The following PAH variants were observed in gnomAD, a reference collection of about 807,000 sequenced individuals.
The protein encoded by PAH is phenylalanine-4-hydroxylase.
A neutral mutation model predicts 62.0 loss-of-function variants in PAH; 64 were observed. The ratio of observed to expected loss-of-function variants is 1.03; its 90% CI spans 0.84 to 1.27. The LOEUF is 1.27. Ranked by LOEUF, PAH falls within the 50% of genes most tolerant of loss-of-function variation. PAH has a pLI of 0.00. For missense variants in PAH, 579 were observed against 542.8 expected (o/e 1.07, Z -0.66); for synonymous variants, 195 against 196.2 (o/e 0.99, Z 0.05).
At chr12:102,869,754 G>C (rs115594095) in intron 4 of PAH, among the ~76,000 whole-genome samples, 200 of 152,320 alleles carry the variant, frequency 1.3e-3, no homozygotes, top group African/African-American at 4.5e-3. Context: ...TCTGTGGCCT[G>C]ACGCCCAGCC....
chr12:102,952,708 C>T (rs1369680598), upstream of PAH, among the ~76,000 whole-genome samples: 4 of 152,184 alleles, frequency 2.6e-5, no homozygotes, highest in African/African-American at 4.8e-5. Flanking sequence ...CACATTCCCT[C>T]CTTATCCCAA....
At chr12:102,958,371 G>A (rs1046623355), upstream of PAH, 30 of 1,444,264 alleles carry the variant, frequency 2.1e-5, no homozygotes, top group African/African-American at 3.0e-5. Context: ...GGCCGCAGCC[G>A]CCGCAGCGGC....
At chr12:102,915,392 C>A (rs1376140663) in intron 1 of PAH, among the ~76,000 whole-genome samples, 4 of 152,188 alleles carry the variant, frequency 2.6e-5, no homozygotes, top group Non-Finnish European at 5.9e-5. Context: ...AAATAACTCA[C>A]CTGAGGCCAC....
At chr12:102,868,663 TA>T (rs35520828) in intron 4 of PAH, among the ~76,000 whole-genome samples, 93,948 of 149,638 alleles carry the variant, frequency 0.63, 30,077 homozygotes, top group African/African-American at 0.69. Flanking sequence ...ATGATGTGGT[TA>T]AAAAAAAAAA....
intron 2 of PAH, among the ~76,000 whole-genome samples, chr12:102,905,099 A>G (rs982184630): frequency 3.9e-5 from 6 of 152,228 alleles, no homozygotes; most frequent in Non-Finnish European, 8.8e-5. Context: ...TTGTGTGAGC[A>G]TCTTCTGTGG....
At chr12:102,947,729 G>A (rs934347984) in intron 1 of PAH, among the ~76,000 whole-genome samples, 6 of 152,148 alleles carry the variant, frequency 3.9e-5, no homozygotes, top group Non-Finnish European at 5.9e-5. Context: ...ATAGAGTCGG[G>A]GTGACTGTAT....
chr12:102,933,776 C>A (rs115469969), intron 1 of PAH, among the ~76,000 whole-genome samples: 5 of 151,952 alleles, frequency 3.3e-5, no homozygotes, highest in Admixed American at 6.6e-5. Context: ...TTTTTTTGCC[C>A]ATTTTTCAAT....
intron 7 of PAH, chr12:102,852,121 C>A (rs1275084187): frequency 7.4e-6 from 2 of 271,336 alleles, no homozygotes; most frequent in East Asian, 1.8e-4. Flanking sequence ...CTGGTATTGA[C>A]TTCCCTGGGC....
intron 9 of PAH, among the ~76,000 whole-genome samples, chr12:102,845,327 T>C (rs1045168333): frequency 3.3e-5 from 5 of 152,166 alleles, no homozygotes; most frequent in African/African-American, 9.7e-5. Flanking sequence ...TTTGTTTTTT[T>C]CTCTGTGGTG....
At chr12:102,951,756 G>T (rs140067442), upstream of PAH, among the ~76,000 whole-genome samples, 456 of 152,122 alleles carry the variant, frequency 3.0e-3, no homozygotes, top group Non-Finnish European at 5.2e-3. Context: ...CCTCTGTAGG[G>T]CATTTTTCCC....
At chr12:102,865,628 C>G (rs1875922522) in intron 5 of PAH, among the ~76,000 whole-genome samples, 1 of 152,168 alleles carries the variant, frequency 6.6e-6, no homozygotes, top group Non-Finnish European at 1.5e-5. Context: ...AAAGGGAGGT[C>G]ACCATCTTCT....
chr12:102,870,836 G>A (rs1411079814), intron 4 of PAH, among the ~76,000 whole-genome samples: 1 of 152,190 alleles, frequency 6.6e-6, no homozygotes, highest in African/African-American at 2.4e-5. Context: ...GACTAGGGGA[G>A]CACCGACCAT....
intron 4 of PAH, among the ~76,000 whole-genome samples, chr12:102,873,910 A>G (rs1220382241): frequency 6.6e-6 from 1 of 152,214 alleles, no homozygotes; most frequent in Non-Finnish European, 1.5e-5. Flanking sequence ...CTCTTTGATC[A>G]TGGGATATTT....
At chr12:102,845,864 C>T (rs969988969) in intron 9 of PAH, among the ~76,000 whole-genome samples, 2 of 152,110 alleles carry the variant, frequency 1.3e-5, no homozygotes, top group African/African-American at 4.8e-5. Context: ...CAATCAGTAA[C>T]AATTTTTTAG....
chr12:102,911,444 G>A (rs759637645), intron 2 of PAH, among the ~76,000 whole-genome samples: 21 of 152,088 alleles, frequency 1.4e-4, no homozygotes, highest in African/African-American at 4.1e-4. Context: ...GATTTCTTCC[G>A]TATTTACTAG....
At chr12:102,876,974 C>T (rs1284708989) in intron 4 of PAH, among the ~76,000 whole-genome samples, 2 of 152,136 alleles carry the variant, frequency 1.3e-5, no homozygotes, top group Non-Finnish European at 2.9e-5. Context: ...CCAAGACTCT[C>T]GGTATTCTCA....
intron 2 of PAH, among the ~76,000 whole-genome samples, chr12:102,903,415 GT>G (rs563635148): frequency 0.042 from 2,380 of 56,242 alleles, 78 homozygotes; most frequent in African/African-American, 0.28. Context: ...ACAACCTTAT[GT>G]ATGGAGCAAT....
At chr12:102,911,272 T>C (rs1308522366) in intron 2 of PAH, among the ~76,000 whole-genome samples, 1 of 152,132 alleles carries the variant, frequency 6.6e-6, no homozygotes, top group Admixed American at 6.5e-5. Flanking sequence ...TTATATATTT[T>C]AGTACTTTTA....
intron 12 of PAH, among the ~76,000 whole-genome samples, chr12:102,839,599 T>C (rs1464645541): frequency 6.6e-6 from 1 of 152,282 alleles, no homozygotes; most frequent in Non-Finnish European, 1.5e-5. Context: ...CTGAGGTCTA[T>C]AAACTCCCAA....
Sources: gnomAD v4.1 joint callset for allele counts (sites outside exome capture counted in the v4.1 genomes callset) on GRCh38, gnomAD v4.1.1 for gene constraint, MANE v1.5 for transcripts, NCBI Gene and HGNC (gene_info 2026-07-23, HGNC 2026-07-21) for gene names.